Variants in POLE observed in about 807,000 individuals in gnomAD.
The protein encoded by POLE is DNA polymerase epsilon catalytic subunit A.
A neutral mutation model predicts 279.2 loss-of-function variants in POLE; 188 were observed. The observed-to-expected ratio is 0.67, with a 90% CI of 0.60 to 0.76. The LOEUF (loss-of-function observed/expected upper bound fraction) is 0.76. POLE is among the 30% of genes least tolerant of loss of function. POLE has a pLI of 0.00. For synonymous variants in POLE, 1,214 were observed against 1,172.5 expected, an observed-to-expected ratio of 1.04 and a Z score of -0.72; for missense variants, 2,703 against 3,016.7, an observed-to-expected ratio of 0.90 and a Z score of 2.44.
intron 27 of POLE, 75 bp downstream of exon 27, chr12:132,657,793 C>A (rs1593767396): frequency 9.8e-7 from 1 of 1,020,852 alleles, no homozygotes; most frequent in Non-Finnish European, 1.5e-6. Context: ...AAAACATAAT[C>A]CAACTCAGAC....
chr12:132,667,960 G>A (rs1314859433), intron 19 of POLE, among the ~76,000 whole-genome samples: 1 of 152,142 alleles, frequency 6.6e-6, no homozygotes, highest in Non-Finnish European at 1.5e-5. Flanking sequence ...GCGCACACCT[G>A]TAGTCCCAGC....
intron 16 of POLE, among the ~76,000 whole-genome samples, chr12:132,669,476 A>G (rs2042875410): frequency 6.6e-6 from 1 of 152,096 alleles, no homozygotes; most frequent in South Asian, 2.1e-4. Flanking sequence ...AAAAAAAAAA[A>G]GAAAAAGAAA....
At position 132,676,592 on chromosome 12, in the gene POLE, G is replaced by C. The variant is rs771619667; in HGVS notation, c.863C>G (p.Ala288Gly). The C allele has an allele frequency of 6.8e-6, 11 of 1,613,872 alleles. No homozygotes were observed. The African/African-American group carries it at 1.5e-4, about 22-fold the overall frequency. Reference sequence around the variant, plus strand: ...AATCATCATAATCTGGTCTGTCTCAGCATCAGGAAACTTGAGGGGCAGTTT... The same window carrying C: ...AATCATCATAATCTGGTCTGTCTCACCATCAGGAAACTTGAGGGGCAGTTT... ...TTKLPLKFPD[A>G]ETDQIMMISY... Residue 288 changes from alanine to glycine, a missense_variant, in exon 9 of 49, where the codon GCT becomes GGT. Ala to Gly is a moderately conservative substitution (Grantham distance 60). Coordinates refer to ENST00000320574, the MANE Select transcript of POLE (RefSeq NM_006231.4).
rs1555301259 is a variant in POLE at position 132,626,287 on chromosome 12, G to C, written c.6361C>G (p.Gln2121Glu). ...VLSLDTNITN[Q>E]VNKLNRDLLR... Reference sequence around the variant, plus strand: ...AGGTCTCGGTTCAGCTTATTCACCTGGTTTGTGATGTTGGTGTCCAGGGAC... The same window carrying C: ...AGGTCTCGGTTCAGCTTATTCACCTCGTTTGTGATGTTGGTGTCCAGGGAC... The change falls in exon 46 of 49, where the codon CAG becomes GAG. Residue 2121 changes from glutamine to glutamate, a missense_variant. This residue lies in a region of POLE where 1,551 missense variants were observed against 1,686.1 expected (regional missense o/e 0.92). Transcript: ENST00000320574. 1.2e-6 allele frequency: 2 copies of C among 1,613,694 alleles called. No homozygotes were observed. Among genetic ancestry groups the C allele is most frequent in the Admixed American group, 1.7e-5 (1 of 60,006 alleles).
chr12:132,644,044 A>G (rs2138563882), intron 32 of POLE, 67 bp from the exon 33 acceptor site: 1 of 1,525,516 alleles, frequency 6.6e-7, no homozygotes, highest in Non-Finnish European at 8.9e-7. Flanking sequence ...ACACACACAA[A>G]GCACACGCTA....
At chr12:132,682,307 AAT>A (rs1467456955) in intron 1 of POLE, among the ~76,000 whole-genome samples, 4 of 97,372 alleles carry the variant, frequency 4.1e-5, no homozygotes, top group African/African-American at 7.0e-5. Context: ...AAAAAAAATA[AAT>A]AAAAATAAAT....
chr12:132,672,579 C>T, intron 15 of POLE, 48 bp downstream of exon 15: 1 of 1,579,436 alleles, frequency 6.3e-7, no homozygotes, highest in Non-Finnish European at 8.7e-7. Flanking sequence ...CTGGGTCCTA[C>T]CACAGCACAA....
intron 45 of POLE, among the ~76,000 whole-genome samples, chr12:132,629,312 G>A (rs2041891970): frequency 1.3e-5 from 2 of 152,220 alleles, no homozygotes; most frequent in South Asian, 4.1e-4. Flanking sequence ...GCTAACAAGA[G>A]TCAGCCTTTC....
intron 1 of POLE, among the ~76,000 whole-genome samples, chr12:132,682,062 G>T (rs1373322342): frequency 6.6e-6 from 1 of 152,058 alleles, no homozygotes; most frequent in Non-Finnish European, 1.5e-5. Context: ...GTGGGAGGCC[G>T]AGGCGGGCGG....
intron 29 of POLE, among the ~76,000 whole-genome samples, chr12:132,656,243 T>G (rs528344043): frequency 9.3e-4 from 141 of 152,054 alleles, no homozygotes; most frequent in Admixed American, 1.5e-3. Context: ...ATTGTGCCAC[T>G]GCACTCCTGC....
At chr12:132,672,027 T>C (rs921481231) in intron 16 of POLE, among the ~76,000 whole-genome samples, 188 bp downstream of exon 16, 1 of 152,156 alleles carries the variant, frequency 6.6e-6, no homozygotes, top group African/African-American at 2.4e-5. Flanking sequence ...CCACCTCTCA[T>C]GAAGCCCTCC....
chr12:132,670,632 A>C (rs1484842736), intron 16 of POLE, among the ~76,000 whole-genome samples: 1 of 148,404 alleles, frequency 6.7e-6, no homozygotes, highest in Non-Finnish European at 1.5e-5. Flanking sequence ...CTGGGACTAC[A>C]GGTGCCCGCC....
chr12:132,660,938 G>C (rs374679430), intron 25 of POLE, 31 bp downstream of exon 25: 137 of 1,527,422 alleles, frequency 9.0e-5, no homozygotes, highest in Non-Finnish European at 1.2e-4. Context: ...TCATCCCTCA[G>C]AGCAGGTGAG....
chr12:132,674,766 C>A (rs1269289199), intron 12 of POLE, among the ~76,000 whole-genome samples: 2 of 152,182 alleles, frequency 1.3e-5, no homozygotes, highest in Admixed American at 1.3e-4. Flanking sequence ...GCTGCAAGCA[C>A]CCCAGTGGCA....
intron 16 of POLE, among the ~76,000 whole-genome samples, chr12:132,671,048 C>T (rs1025872516): frequency 1.3e-5 from 2 of 149,718 alleles, no homozygotes; most frequent in African/African-American, 4.9e-5. Context: ...AGATCACTTA[C>T]AGTCAGGAGT....
Position 132,642,342 on chromosome 12 carries a change from C to T in POLE, c.5008G>A (p.Asp1670Asn), listed in dbSNP as rs1060500823. The change falls in exon 38 of 49, where the codon GAC becomes AAC. Residue 1670 changes from aspartate to asparagine, a missense_variant. Around this residue, in one of 5 missense-constraint regions of POLE, gnomAD observed 1,551 missense variants for 1,686.1 expected, o/e 0.92. Coordinates refer to ENST00000320574, the MANE Select transcript of POLE (RefSeq NM_006231.4). ...TGGAGGTGGCGGGCAAAGAAGAGGTCGGAGCCGAATGTGGAGATGTCCTCT... is the reference window on the plus strand; with the variant it reads ...TGGAGGTGGCGGGCAAAGAAGAGGTTGGAGCCGAATGTGGAGATGTCCTCT... ...LPEDISTFGS[D>N]LFFARHLQRH... 5.7e-6 allele frequency: 9 copies of T among 1,591,074 alleles called. No homozygotes were observed. Among genetic ancestry groups the T allele is most frequent in the East Asian group, 2.2e-5 (1 of 44,640 alleles).
chr12:132,681,887 AACAG>A (rs1343067177), intron 1 of POLE, among the ~76,000 whole-genome samples: 1 of 152,186 alleles, frequency 6.6e-6, no homozygotes, highest in Non-Finnish European at 1.5e-5. Context: ...ATTTGAATAA[AACAG>A]ACGGATTGTC....
intron 16 of POLE, among the ~76,000 whole-genome samples, 174 bp downstream of exon 16, chr12:132,672,041 C>G (rs1427307119): frequency 1.3e-5 from 2 of 152,198 alleles, no homozygotes; most frequent in East Asian, 3.9e-4. Flanking sequence ...GCCCTCCGAC[C>G]TTGTGACAGC....
chr12:132,673,967 CAG>C lies in POLE; in HGVS notation c.1227-262_1227-261del, dbSNP rs1178086802. ...GCCCTCGCCTTCCTCCCATCCTCAG[CAG>C]AGTTTGTGGCCTCTCCGACGGGCGC... is the stretch of plus-strand genomic sequence containing the variant. On this transcript the variant is annotated intron_variant, in intron 12 of 48. Transcript: ENST00000320574. Among the ~76,000 whole-genome samples the C allele has an allele frequency of 5.3e-5, 8 of 152,228 alleles. No individual in the cohort carries two copies. The East Asian group carries it at 5.8e-4, about 11-fold the overall frequency.
Sources: allele counts gnomAD v4.1 joint callset (sites outside exome capture counted in the v4.1 genomes callset), GRCh38; gene constraint gnomAD v4.1.1; regional missense constraint gnomAD v4.1.1; transcripts MANE v1.5; gene names NCBI Gene and HGNC (gene_info 2026-07-23, HGNC 2026-07-21).